SHISA6: variants seen among roughly 807,000 people sequenced by gnomAD.
SHISA6 encodes protein shisa-6.
Under a neutral mutation model 47.9 loss-of-function variants are expected in SHISA6, and 22 were observed. That is an observed-to-expected ratio of 0.46 (90% CI 0.33 to 0.66). The LOEUF (loss-of-function observed/expected upper bound fraction) is 0.66. Ranked by LOEUF, SHISA6 falls within the 30% of genes least tolerant of loss-of-function variation. The probability of loss-of-function intolerance (pLI) is 0.02; values close to 1 mark genes in which losing one functional copy is unlikely to be tolerated. For synonymous variants in SHISA6, 388 were observed against 337.8 expected, an observed-to-expected ratio of 1.15 and a Z score of -1.63; for missense variants, 680 against 764.6, an observed-to-expected ratio of 0.89 and a Z score of 1.30.
intron 3 of SHISA6, among the ~76,000 whole-genome samples, chr17:11,408,507 T>C (rs1914025773): frequency 6.6e-6 from 1 of 152,224 alleles, no homozygotes; most frequent in African/African-American, 2.4e-5. Context: ...CTTCCTAATA[T>C]ATGACCGTAC....
In SHISA6 at chr17:11,395,383, T is replaced by C. The variant is rs74870031; in HGVS notation, c.895+15874T>C. ...GGCCCTCTAACTGTTTATGCTTGAA[T>C]ATATGAAGGCTATCGATTTCCTTGT... On this transcript the variant is annotated intron_variant, in intron 3 of 5. Coordinates refer to ENST00000441885, the MANE Select transcript of SHISA6 (RefSeq NM_207386.4). 6.1e-3 allele frequency among the ~76,000 whole-genome samples: 933 copies of C among 152,216 alleles called. 12 individuals are homozygous for C. Among genetic ancestry groups the C allele is most frequent in the African/African-American group, 0.021 (870 of 41,546 alleles).
rs1248820706 is a variant in SHISA6 at position 11,414,721 on chromosome 17, A to G, written c.895+35212A>G. 2.6e-5 allele frequency among the ~76,000 whole-genome samples: 4 copies of G among 152,354 alleles called. No homozygotes were observed. The East Asian group carries it at 5.8e-4, about 22-fold the overall frequency. ...TGTAGGCAAATATCAGTCTGGATGCAGAAACTTGCTGGCCACATTGGTATT... is the reference window on the plus strand; with the variant it reads ...TGTAGGCAAATATCAGTCTGGATGCGGAAACTTGCTGGCCACATTGGTATT... On this transcript the variant is annotated intron_variant, in intron 3 of 5. Transcript: ENST00000441885.
At chr17:11,461,544 G>A (rs756464522) in intron 3 of SHISA6, among the ~76,000 whole-genome samples, 1 of 152,192 alleles carries the variant, frequency 6.6e-6, no homozygotes, top group Non-Finnish European at 1.5e-5. Context: ...GGCTACATGG[G>A]GAAGCACCAG....
At chr17:11,316,346 T>TA (rs1910515705) in intron 2 of SHISA6, among the ~76,000 whole-genome samples, 17 of 142,700 alleles carry the variant, frequency 1.2e-4, no homozygotes, top group Admixed American at 2.8e-4. Context: ...TTTTTTTTTT[T>TA]GTATTCAATG....
chr17:11,249,137 CAA>C (rs139559354), intron 1 of SHISA6, among the ~76,000 whole-genome samples: 92 of 60,494 alleles, frequency 1.5e-3, no homozygotes, highest in African/African-American at 3.6e-3. Context: ...GACTCCGTCT[CAA>C]AAAAAAAAAA....
chr17:11,560,965 A>T lies in SHISA6; in HGVS notation c.*2661A>T, dbSNP rs1312810093. The T allele has an allele frequency of 6.6e-6, 1 of 152,242 alleles. No homozygotes were observed. Among genetic ancestry groups the T allele is most frequent in the African/African-American group, 2.4e-5 (1 of 41,428 alleles). 9.4% of individuals were successfully genotyped at this position (152,242 alleles called of 1,614,324 possible). ...AGGAGGGAAGAAAAAAGAAGTAGAG[A>T]TAGGTCTACAGACTTGCTCCAATTC... On this transcript the variant is annotated 3_prime_UTR_variant, in exon 6 of 6. Transcript: ENST00000441885.
intron 3 of SHISA6, among the ~76,000 whole-genome samples, chr17:11,491,794 CAG>C (rs1434220711): frequency 9.7e-6 from 1 of 102,786 alleles, no homozygotes; most frequent in Non-Finnish European, 2.1e-5. Context: ...TTTTTTGAGA[CAG>C]AGTCTCCCTC....
chr17:11,287,529 G>A (rs887578502), intron 2 of SHISA6, among the ~76,000 whole-genome samples: 1 of 150,944 alleles, frequency 6.6e-6, no homozygotes, highest in East Asian at 2.0e-4. Flanking sequence ...CTATAAATTA[G>A]CAGAGCGGTG....
At chr17:11,272,224 G>A (rs200165878) in intron 2 of SHISA6, among the ~76,000 whole-genome samples, 1 of 152,222 alleles carries the variant, frequency 6.6e-6, no homozygotes, top group Non-Finnish European at 1.5e-5. Flanking sequence ...TCCTTATGGG[G>A]ACTCACTCTC....
intron 1 of SHISA6, among the ~76,000 whole-genome samples, chr17:11,250,568 G>A (rs1008281382): frequency 4.6e-5 from 7 of 152,210 alleles, no homozygotes; most frequent in Admixed American, 2.0e-4. Flanking sequence ...CCATGGCTGT[G>A]CTACCTGGGT....
Position 11,532,200 on chromosome 17 carries a change from A to C in SHISA6, c.896-19696A>C, listed in dbSNP as rs551006306. On this transcript the variant is annotated intron_variant, in intron 3 of 5. Coordinates refer to ENST00000441885, the MANE Select transcript of SHISA6 (RefSeq NM_207386.4). ...AGCCGATGGCTCTGAACTGCGGTGT[A>C]AGTGGTGCAAGAATTAGGGAAGAAA... Among the ~76,000 whole-genome samples the C allele has an allele frequency of 2.4e-4, 37 of 152,320 alleles. 1 individual carries two copies. In the South Asian group the frequency reaches 7.0e-3, roughly 29 times the overall value.
At chr17:11,273,310 G>C (rs1225152996) in intron 2 of SHISA6, among the ~76,000 whole-genome samples, 1 of 152,174 alleles carries the variant, frequency 6.6e-6, no homozygotes, top group Non-Finnish European at 1.5e-5. Flanking sequence ...CCAGCTACGT[G>C]AATCCTGTTC....
intron 1 of SHISA6, among the ~76,000 whole-genome samples, chr17:11,257,413 C>G (rs556621882): frequency 1.3e-5 from 2 of 152,158 alleles, no homozygotes; most frequent in African/African-American, 4.8e-5. Flanking sequence ...ATCATTCCAG[C>G]ACTTTGGGAG....
chr17:11,398,137 T>C (rs1006802452), intron 3 of SHISA6, among the ~76,000 whole-genome samples: 3 of 152,302 alleles, frequency 2.0e-5, no homozygotes, highest in Non-Finnish European at 4.4e-5. Context: ...TGGGAGAAAA[T>C]TGTTGTCAGT....
intron 3 of SHISA6, among the ~76,000 whole-genome samples, chr17:11,464,532 C>T (rs1299836382): frequency 6.6e-6 from 1 of 152,200 alleles, no homozygotes; most frequent in Non-Finnish European, 1.5e-5. Context: ...TCTATACACA[C>T]CCACGTCCAT....
Position 11,525,652 on chromosome 17 carries a change from CA to C in SHISA6, c.896-26231del, listed in dbSNP as rs371530736. 7.7e-3 allele frequency among the ~76,000 whole-genome samples: 803 copies of C among 104,306 alleles called. 6 individuals are homozygous for C. Among genetic ancestry groups the C allele is most frequent in the African/African-American group, 0.029 (774 of 26,290 alleles). 68.4% of individuals were successfully genotyped at this position (104,306 alleles called of 152,430 possible). A position where few individuals can be genotyped will look rare whatever the true frequency, so the allele number is the denominator to read the frequency against. ...GTCTCAAAAAAAAAAAAAAAAAAAA[CA>C]AAAAAAAAAAAACGTGTTATAATAA... On this transcript the variant is annotated intron_variant, in intron 3 of 5. Coordinates refer to ENST00000441885, the MANE Select transcript of SHISA6 (RefSeq NM_207386.4).
At chr17:11,253,069 C>T (rs143679709) in intron 1 of SHISA6, among the ~76,000 whole-genome samples, 3 of 152,318 alleles carry the variant, frequency 2.0e-5, no homozygotes, top group Admixed American at 2.0e-4. Flanking sequence ...TCTCTTACAC[C>T]TCTCCCTTGC....
chr17:11,538,130 C>A (rs1251849610), intron 3 of SHISA6, among the ~76,000 whole-genome samples: 2 of 152,136 alleles, frequency 1.3e-5, no homozygotes, highest in African/African-American at 4.8e-5. Flanking sequence ...GTGGCATGAT[C>A]TCGGCTCACT....
chr17:11,266,573 G>A (rs563714203), intron 2 of SHISA6, among the ~76,000 whole-genome samples: 4 of 152,300 alleles, frequency 2.6e-5, no homozygotes, highest in South Asian at 2.1e-4. Flanking sequence ...TGCTATTGAA[G>A]CCAATCATAC....
Sources: gnomAD v4.1 joint callset for allele counts (sites outside exome capture counted in the v4.1 genomes callset) on GRCh38, gnomAD v4.1.1 for gene constraint, MANE v1.5 for transcripts, NCBI Gene and HGNC (gene_info 2026-07-23, HGNC 2026-07-21) for gene names.